Variants in FAM20C observed in about 807,000 individuals in gnomAD.
The protein encoded by FAM20C is extracellular serine/threonine protein kinase FAM20C.
Under a neutral mutation model 51.5 loss-of-function variants are expected in FAM20C, and 40 were observed. The observed-to-expected ratio is 0.78, with a 90% confidence interval of 0.60 to 1.01. The LOEUF (loss-of-function observed/expected upper bound fraction) is 1.01. Ranked by LOEUF, FAM20C falls within the 50% of genes least tolerant of loss-of-function variation. FAM20C has a pLI of 0.00. For synonymous variants in FAM20C, 406 were observed against 380.6 expected (o/e 1.07, Z -0.78); for missense variants, 861 against 844.7 (o/e 1.02, Z -0.24).
At chr7:211,000 G>T (rs28594679) in intron 3 of FAM20C, among the ~76,000 whole-genome samples, 1 of 151,668 alleles carries the variant, frequency 6.6e-6, no homozygotes, top group Non-Finnish European at 1.5e-5. Context: ...GACGCTTACC[G>T]CTGCGTAAAG....
At chr7:233,561 G>A (rs1787762449) in intron 3 of FAM20C, among the ~76,000 whole-genome samples, 1 of 152,194 alleles carries the variant, frequency 6.6e-6, no homozygotes, top group East Asian at 1.9e-4. Flanking sequence ...GAGGAGCCGT[G>A]TCCTGGCCCT....
intron 5 of FAM20C, among the ~76,000 whole-genome samples, chr7:254,205 C>T (rs2115167887): frequency 1.3e-5 from 2 of 152,310 alleles, no homozygotes; most frequent in Middle Eastern, 3.4e-3. Context: ...GCTTGTTCAG[C>T]TAAGAAAGGG....
At chr7:194,844 C>T (rs889502732) in intron 1 of FAM20C, among the ~76,000 whole-genome samples, 1 of 150,698 alleles carries the variant, frequency 6.6e-6, no homozygotes, top group Non-Finnish European at 1.5e-5. Flanking sequence ...TAGGTGAATT[C>T]GAGCTAGGAC....
In FAM20C at chr7:256,479, C is replaced by G. The variant is rs1170763079; in HGVS notation, c.1254-175C>G. 4 of 625,216 alleles carry G rather than the reference C, an allele frequency of 6.4e-6. No homozygotes were observed. The African/African-American group carries it at 7.3e-5, about 11-fold the overall frequency. 38.7% of individuals were successfully genotyped at this position (625,216 alleles called of 1,614,324 possible). On this transcript the variant is annotated intron_variant, in intron 6 of 9. Transcript: ENST00000313766. The stretch of plus-strand genomic sequence containing the variant: ...CACCCCGAGGCAGGGCAGAGCGGCT[C>G]CGTCCCCTCCCACACCCGTGCTCCC...
At chr7:230,567 C>A (rs549030344) in intron 3 of FAM20C, among the ~76,000 whole-genome samples, 6 of 152,118 alleles carry the variant, frequency 3.9e-5, no homozygotes, top group Non-Finnish European at 7.4e-5. Flanking sequence ...CCTGGCCGGC[C>A]ACCTCAGACA....
intron 2 of FAM20C, among the ~76,000 whole-genome samples, chr7:205,247 C>T (rs1442888978): frequency 6.7e-6 from 1 of 149,864 alleles, no homozygotes; most frequent in Non-Finnish European, 1.5e-5. Context: ...GGACCACAGA[C>T]ACGCACCACC....
chr7:236,696 TC>T (rs1787856863), intron 3 of FAM20C, among the ~76,000 whole-genome samples: 1 of 151,362 alleles, frequency 6.6e-6, no homozygotes, highest in African/African-American at 2.4e-5. Flanking sequence ...TGGTTGATGG[TC>T]GGGGTTTCAT....
Position 216,642 on chromosome 7 carries a change from AGTGT to A in FAM20C, c.863+7672_863+7675del, listed in dbSNP as rs1188129467. On this transcript the variant is annotated intron_variant, in intron 3 of 9. Transcript: ENST00000313766. ...GTATGAGTGTGTGTGAGTGTGTGTG[AGTGT>A]GTGTGAGTGTGTGTGTGAGAGACAG... Among the ~76,000 whole-genome samples, 16 of 133,504 alleles carry A rather than the reference AGTGT, an allele frequency of 1.2e-4. 1 individual carries two copies. The East Asian group carries it at 1.9e-3, about 16-fold the overall frequency. The allele number at this position is 133,504 out of a possible 152,430, so 87.6% of individuals were successfully genotyped here. A position where few individuals can be genotyped will look rare whatever the true frequency, so the allele number is the denominator to read the frequency against.
Position 193,728 on chromosome 7 carries a change from C to G in FAM20C, c.529C>G (p.Leu177Val). Residue 177 changes from leucine to valine, a missense_variant, in exon 1 of 10, where the codon CTC becomes GTC. Physicochemically the swap from Leu to Val is conservative, Grantham distance 32. Transcript: ENST00000313766. ...HPLYRVAVPPLTEEDVLFNVN... is the reference protein window; with the variant it reads ...HPLYRVAVPPVTEEDVLFNVN... ...GCTTTACCGGGTGGCGGTTCCGCCG[C>G]TCACGGAGGAGGACGTCCTGTTCAA... The G allele has an allele frequency of 6.5e-7, 1 of 1,547,636 alleles. No individual in the cohort carries two copies. Among genetic ancestry groups the G allele is most frequent in the East Asian group, 2.5e-5 (1 of 40,766 alleles).
rs747389881 is a variant in FAM20C at position 259,814 on chromosome 7, G to C, written c.1589G>C (p.Arg530Pro). Residue 530 changes from arginine to proline, a missense_variant, in exon 10 of 10, where the codon CGG becomes CCG. Around this residue, in one of 3 missense-constraint regions of FAM20C, gnomAD observed 269 missense variants for 283.8 expected, o/e 0.95. Transcript: ENST00000313766. The part of the protein sequence containing the change: ...KLSLLMAESL[R>P]GDQVAPVLYQ... The stretch of plus-strand genomic sequence containing the variant: ...AGCCTGCTGATGGCCGAGTCTCTGC[G>C]GGGGGACCAGGTGGCACCCGTGCTG... 2.0e-6 allele frequency: 3 copies of C among 1,536,342 alleles called. No individual in the cohort carries two copies. The highest frequency in any genetic ancestry group is 2.6e-6 in the Non-Finnish European group (3 of 1,146,894).
At chr7:214,319 C>T (rs971308327) in intron 3 of FAM20C, among the ~76,000 whole-genome samples, 12 of 151,094 alleles carry the variant, frequency 7.9e-5, no homozygotes, top group African/African-American at 1.7e-4. Flanking sequence ...GAGTGAAACT[C>T]GGTCTCAAAA....
chr7:243,337 A>G (rs575526947), intron 3 of FAM20C, among the ~76,000 whole-genome samples: 1 of 11,170 alleles, frequency 9.0e-5, no homozygotes, highest in Non-Finnish European at 1.4e-4. Flanking sequence ...GTGCCACCCA[A>G]GAGACCTGTG....
intron 3 of FAM20C, among the ~76,000 whole-genome samples, chr7:240,373 GTGA>G: frequency 6.9e-6 from 1 of 145,566 alleles, no homozygotes; most frequent in Non-Finnish European, 1.5e-5. Flanking sequence ...GATGGTGGAG[GTGA>G]TGATCATGGT....
At chr7:248,232 C>T (rs1403780979) in intron 4 of FAM20C, 83 bp from the exon 5 acceptor site, 4 of 982,722 alleles carry the variant, frequency 4.1e-6, no homozygotes, top group Non-Finnish European at 6.1e-6. Flanking sequence ...CCCTCCCCTG[C>T]CCCGTTCTTA....
chr7:203,649 A>T (rs1324153296), intron 2 of FAM20C, among the ~76,000 whole-genome samples: 1 of 152,254 alleles, frequency 6.6e-6, no homozygotes, highest in Non-Finnish European at 1.5e-5. Context: ...CAGGAAGCCG[A>T]GTCCTCAGTC....
At chr7:232,901 G>A (rs1458207574) in intron 3 of FAM20C, among the ~76,000 whole-genome samples, 1 of 152,228 alleles carries the variant, frequency 6.6e-6, no homozygotes, top group Non-Finnish European at 1.5e-5. Context: ...GACCTCTCCA[G>A]GGATGGGTCC....
At chr7:254,947 T>C (rs1007389077) in intron 5 of FAM20C, among the ~76,000 whole-genome samples, 1 of 152,258 alleles carries the variant, frequency 6.6e-6, no homozygotes, top group Admixed American at 6.5e-5. Flanking sequence ...TCGTTTCGTG[T>C]CATCGCACGG....
At chr7:216,501 C>G (rs1335449822) in intron 3 of FAM20C, among the ~76,000 whole-genome samples, 1 of 151,704 alleles carries the variant, frequency 6.6e-6, no homozygotes, top group Non-Finnish European at 1.5e-5. Flanking sequence ...GGGGTGACAT[C>G]TCACTGAGGA....
At chr7:247,741 GAC>G in intron 4 of FAM20C, among the ~76,000 whole-genome samples, 1 of 152,316 alleles carries the variant, frequency 6.6e-6, no homozygotes, top group Non-Finnish European at 1.5e-5. Flanking sequence ...TATAAAACAG[GAC>G]ACAGAGCCCA....
Sources: allele counts gnomAD v4.1 joint callset (sites outside exome capture counted in the v4.1 genomes callset), GRCh38; gene constraint gnomAD v4.1.1; regional missense constraint gnomAD v4.1.1; transcripts MANE v1.5; gene names NCBI Gene and HGNC (gene_info 2026-07-23, HGNC 2026-07-21).